The following THSD7A variants were observed in gnomAD, a reference collection of about 807,000 sequenced individuals.
The protein encoded by THSD7A is thrombospondin type-1 domain-containing protein 7A.
In THSD7A, 96 loss-of-function variants were observed where a neutral mutation model predicts 231.3. That is an observed-to-expected ratio of 0.41 (90% CI 0.35 to 0.49). The LOEUF (loss-of-function observed/expected upper bound fraction) is 0.49. THSD7A is among the 20% of genes least tolerant of loss of function. The pLI, the probability that THSD7A is intolerant of heterozygous loss-of-function variation, is 0.05. For missense variants in THSD7A, 2,290 were observed against 2,070.2 expected (o/e 1.11, Z -2.06); for synonymous variants, 940 against 743.3 (o/e 1.26, Z -4.30).
intron 1 of THSD7A, among the ~76,000 whole-genome samples, chr7:11,678,735 C>T (rs555234737): frequency 3.9e-5 from 6 of 152,096 alleles, no homozygotes; most frequent in Non-Finnish European, 8.8e-5. Flanking sequence ...ATGCCTAGGA[C>T]AAGACAGATT....
At chr7:11,696,799 A>G (rs1277888884) in intron 1 of THSD7A, among the ~76,000 whole-genome samples, 2 of 151,608 alleles carry the variant, frequency 1.3e-5, no homozygotes, top group South Asian at 2.1e-4. Context: ...TCAAACCCGT[A>G]TACTTATAGG....
intron 4 of THSD7A, among the ~76,000 whole-genome samples, chr7:11,553,199 T>G (rs950059889): frequency 6.6e-6 from 1 of 152,164 alleles, no homozygotes; most frequent in African/African-American, 2.4e-5. Flanking sequence ...TGTCAAAGAA[T>G]GATTTCTACT....
chr7:11,391,850 G>T (rs1192771267), intron 23 of THSD7A, among the ~76,000 whole-genome samples: 1 of 152,016 alleles, frequency 6.6e-6, no homozygotes, highest in Non-Finnish European at 1.5e-5. Context: ...GCTAGGGCAG[G>T]GAATCCCTGA....
chr7:11,518,598 A>AACACACACACACACAC (rs138134072), intron 6 of THSD7A, among the ~76,000 whole-genome samples: 8 of 150,064 alleles, frequency 5.3e-5, no homozygotes, highest in African/African-American at 1.5e-4. Flanking sequence ...ATAAAATAGA[A>AACACACACACACACAC]ACACACACAC....
intron 22 of THSD7A, among the ~76,000 whole-genome samples, chr7:11,402,224 G>A (rs763241475): frequency 2.6e-5 from 4 of 152,192 alleles, no homozygotes; most frequent in African/African-American, 7.2e-5. Context: ...GCTGACAGGA[G>A]CTCATCCACC....
At chr7:11,746,472 T>C (rs554243379) in intron 1 of THSD7A, among the ~76,000 whole-genome samples, 14 of 152,038 alleles carry the variant, frequency 9.2e-5, no homozygotes, top group African/African-American at 3.4e-4. Flanking sequence ...CTAAAAACTG[T>C]GACAGTTTCT....
intron 1 of THSD7A, among the ~76,000 whole-genome samples, chr7:11,754,238 G>A (rs1402897964): frequency 1.3e-5 from 2 of 151,958 alleles, no homozygotes; most frequent in Non-Finnish European, 2.9e-5. Context: ...GAAAAATAGA[G>A]AATATCAATA....
chr7:11,740,090 C>T (rs181022467), intron 1 of THSD7A, among the ~76,000 whole-genome samples: 2 of 152,032 alleles, frequency 1.3e-5, no homozygotes, highest in East Asian at 2.0e-4. Flanking sequence ...AACTTGGACA[C>T]ATAACTCTCC....
intron 1 of THSD7A, among the ~76,000 whole-genome samples, chr7:11,707,689 G>A (rs911007720): frequency 6.6e-6 from 1 of 150,762 alleles, no homozygotes. Context: ...GCAGCTTCAA[G>A]ACCCAAAGGA....
rs1157671848 is a variant in THSD7A, at chr7:11,506,725, C to T, written c.1823-24743G>A. On this transcript the variant is annotated intron_variant, in intron 6 of 27. Transcript: ENST00000423059. ...TAAGCATTCTACTGTCTCTGTTCTC[C>T]CCTCCAGTTCTAACACTTTCCTCTC... 5.3e-5 allele frequency among the ~76,000 whole-genome samples: 8 copies of T among 152,142 alleles called. No individual in the cohort carries two copies. In the East Asian group the frequency reaches 1.5e-3, roughly 29 times the overall value.
chr7:11,731,129 A>G (rs1562512314), intron 1 of THSD7A, among the ~76,000 whole-genome samples: 1 of 151,550 alleles, frequency 6.6e-6, no homozygotes, highest in Non-Finnish European at 1.5e-5. Context: ...CTTAAATCCT[A>G]TAGTATTTAT....
intron 1 of THSD7A, among the ~76,000 whole-genome samples, chr7:11,795,230 C>T (rs12531067): frequency 0.2 from 29,850 of 151,820 alleles, 3,574 homozygotes; most frequent in East Asian, 0.29. Context: ...CATTTGTACA[C>T]ATATACAAAC....
intron 3 of THSD7A, 21 bp downstream of exon 3, chr7:11,593,233 T>C: frequency 6.2e-7 from 1 of 1,612,852 alleles, no homozygotes. Flanking sequence ...GCAGACGCTA[T>C]ACCCTTCTTT....
intron 4 of THSD7A, among the ~76,000 whole-genome samples, chr7:11,589,939 A>C (rs1409596171): frequency 6.6e-6 from 1 of 152,180 alleles, no homozygotes; most frequent in East Asian, 1.9e-4. Context: ...ACAACTGAAG[A>C]GTTTTAAAAA....
chr7:11,407,746 T>C (rs937483041), intron 19 of THSD7A, among the ~76,000 whole-genome samples: 1 of 152,192 alleles, frequency 6.6e-6, no homozygotes, highest in East Asian at 1.9e-4. Context: ...CAAGTAAATA[T>C]AAGCATAAAT....
chr7:11,561,501 G>T (rs1272818459), intron 4 of THSD7A, among the ~76,000 whole-genome samples: 7 of 152,110 alleles, frequency 4.6e-5, no homozygotes. Flanking sequence ...CACTTACATG[G>T]CATTTACTAA....
intron 16 of THSD7A, 99 bp from the exon 17 acceptor site, chr7:11,417,702 C>G: frequency 1.6e-6 from 2 of 1,218,554 alleles, no homozygotes; most frequent in Non-Finnish European, 1.1e-6. Flanking sequence ...ACAGATGGTT[C>G]TCCTTAAGAC....
intron 1 of THSD7A, among the ~76,000 whole-genome samples, chr7:11,708,445 A>G (rs1780841141): frequency 1.3e-5 from 2 of 150,814 alleles, no homozygotes; most frequent in Non-Finnish European, 3.0e-5. Flanking sequence ...CCAAAAGAAC[A>G]ACATCTCTGC....
chr7:11,666,285 A>G (rs918314617), intron 1 of THSD7A, among the ~76,000 whole-genome samples: 7 of 152,098 alleles, frequency 4.6e-5, no homozygotes, highest in African/African-American at 1.4e-4. Context: ...CATGAAATAC[A>G]TTAATGTTTC....
Sources: allele counts gnomAD v4.1 joint callset (sites outside exome capture counted in the v4.1 genomes callset), GRCh38; gene constraint gnomAD v4.1.1; transcripts MANE v1.5; gene names NCBI Gene and HGNC (gene_info 2026-07-23, HGNC 2026-07-21).